The following PCDH9 variants were observed in gnomAD, a reference collection of about 807,000 sequenced individuals.
The protein encoded by PCDH9 is protocadherin 9.
A neutral mutation model predicts 70.6 loss-of-function variants in PCDH9; 24 were observed. The ratio of observed to expected loss-of-function variants is 0.34; its 90% CI spans 0.25 to 0.48. The LOEUF (loss-of-function observed/expected upper bound fraction) is 0.48, where lower values mean the gene tolerates loss of function less well. Ranked by LOEUF, PCDH9 falls within the 20% of genes least tolerant of loss-of-function variation. The pLI is 0.99. For missense variants in PCDH9, 1,281 were observed against 1,503.6 expected (o/e 0.85, Z 2.45); for synonymous variants, 562 against 558.5 (o/e 1.01, Z -0.09).
At chr13:66,748,876 C>T (rs1426797273) in intron 3 of PCDH9, among the ~76,000 whole-genome samples, 3 of 152,070 alleles carry the variant, frequency 2.0e-5, no homozygotes, top group Non-Finnish European at 2.9e-5. Context: ...GTTAATAATC[C>T]CCTTGTGTCA....
chr13:66,490,791 A>T (rs2138532338), intron 4 of PCDH9, among the ~76,000 whole-genome samples: 1 of 152,338 alleles, frequency 6.6e-6, no homozygotes, highest in Non-Finnish European at 1.5e-5. Context: ...GCAAAGCTAA[A>T]CAATTAAAAT....
chr13:66,924,495 T>C (rs2082686010), intron 2 of PCDH9, among the ~76,000 whole-genome samples: 1 of 151,744 alleles, frequency 6.6e-6, no homozygotes, highest in Admixed American at 6.6e-5. Context: ...ATGTTCTTAA[T>C]AATTCTACTT....
At chr13:66,863,286 T>C (rs538493394) in intron 3 of PCDH9, among the ~76,000 whole-genome samples, 69 of 152,308 alleles carry the variant, frequency 4.5e-4, no homozygotes, top group Middle Eastern at 6.8e-3. Context: ...GTGGAAATAA[T>C]AGTAACTACC....
chr13:66,564,877 T>TA (rs397724193), intron 4 of PCDH9, among the ~76,000 whole-genome samples: 4 of 151,770 alleles, frequency 2.6e-5, no homozygotes, highest in African/African-American at 7.3e-5. Context: ...TTTTTTTTTT[T>TA]AATTTTTGAT....
chr13:66,406,966 T>C (rs1957291179), intron 4 of PCDH9, among the ~76,000 whole-genome samples: 3 of 152,112 alleles, frequency 2.0e-5, no homozygotes. Context: ...CCATATACAG[T>C]GGTTTAGAAA....
At chr13:67,146,019 TGCTATAAA>T (rs2138371977) in intron 2 of PCDH9, among the ~76,000 whole-genome samples, 1 of 152,288 alleles carries the variant, frequency 6.6e-6, no homozygotes, top group South Asian at 2.1e-4. Flanking sequence ...TAATTCTGTC[TGCTATAAA>T]GCTGGCTTGC....
At chr13:66,799,226 T>C (rs575677756) in intron 3 of PCDH9, among the ~76,000 whole-genome samples, 1 of 152,316 alleles carries the variant, frequency 6.6e-6, no homozygotes, top group South Asian at 2.1e-4. Context: ...CACATATTGC[T>C]TTTTGCTAAG....
At chr13:66,463,474 A>G (rs1958461858) in intron 4 of PCDH9, among the ~76,000 whole-genome samples, 1 of 151,890 alleles carries the variant, frequency 6.6e-6, no homozygotes, top group Admixed American at 6.6e-5. Flanking sequence ...AGAGAAAAAA[A>G]AGAGAGGAGA....
At chr13:66,699,923 ATT>A (rs34236970) in intron 3 of PCDH9, among the ~76,000 whole-genome samples, 1 of 149,538 alleles carries the variant, frequency 6.7e-6, no homozygotes, top group Non-Finnish European at 1.5e-5. Flanking sequence ...CGTTAGGCTG[ATT>A]TTTTTTTTTA....
At chr13:66,433,986 GTCAAGAGGCAATAACTAATTT>G (rs928014531) in intron 4 of PCDH9, among the ~76,000 whole-genome samples, 1 of 151,698 alleles carries the variant, frequency 6.6e-6, no homozygotes. Flanking sequence ...ATTATTCATG[GTCAAGAGGCAATAACTAATTT>G]TCTAAACCTT....
chr13:66,807,365 T>A (rs2080427163), intron 3 of PCDH9, among the ~76,000 whole-genome samples: 1 of 152,166 alleles, frequency 6.6e-6, no homozygotes, highest in Non-Finnish European at 1.5e-5. Context: ...ATACTATTTT[T>A]CAAATTCTTC....
At chr13:66,541,683 T>A (rs1276702814) in intron 4 of PCDH9, among the ~76,000 whole-genome samples, 3 of 152,156 alleles carry the variant, frequency 2.0e-5, no homozygotes, top group African/African-American at 7.2e-5. Flanking sequence ...TCTAACCCAG[T>A]GTAACCTCAT....
At chr13:66,882,991 T>C (rs1305148521) in intron 3 of PCDH9, among the ~76,000 whole-genome samples, 2 of 152,212 alleles carry the variant, frequency 1.3e-5, no homozygotes, top group African/African-American at 4.8e-5. Flanking sequence ...TATCATGACA[T>C]TCAGTGTCCT....
Position 67,227,970 on chromosome 13 carries a change from G to A in PCDH9, c.471C>T (p.Ile157=), listed in dbSNP as rs1456287396. The change falls in exon 2 of 5, where the codon ATC becomes ATT. Residue 157 remains isoleucine (I), a synonymous_variant. Coordinates refer to ENST00000377865, the MANE Select transcript of PCDH9 (RefSeq NM_203487.3). This position sits in a 1 kb window ranked among gnomAD's most constrained non-coding sequence, Gnocchi z 4.6. ...INISIPENTL[I]NSRFPIPSAT... is the part of the protein sequence containing the mutation. ...CTGATGGAATTGGAAAGCGGCTGTT[G>A]ATCAAAGTGTTTTCTGGAATGGAAA... 2 of 1,613,980 alleles carry A rather than the reference G, an allele frequency of 1.2e-6. No individual in the cohort carries two copies. Among genetic ancestry groups the A allele is most frequent in the African/African-American group, 2.7e-5 (2 of 74,924 alleles).
chr13:67,185,387 T>G (rs1472964831), intron 2 of PCDH9, among the ~76,000 whole-genome samples: 1 of 152,200 alleles, frequency 6.6e-6, no homozygotes, highest in African/African-American at 2.4e-5. Flanking sequence ...GCATTAATAT[T>G]GTACTATGCT....
At chr13:66,322,688 G>A (rs961213449) in intron 4 of PCDH9, among the ~76,000 whole-genome samples, 1 of 151,814 alleles carries the variant, frequency 6.6e-6, no homozygotes, top group Admixed American at 6.6e-5. Context: ...CTCTATACAG[G>A]CATTGGAAAT....
intron 4 of PCDH9, among the ~76,000 whole-genome samples, chr13:66,317,859 G>A (rs903710785): frequency 6.6e-6 from 1 of 152,110 alleles, no homozygotes; most frequent in African/African-American, 2.4e-5. Context: ...AGGGGGAAAA[G>A]GTGACTTTTT....
chr13:67,030,621 T>A (rs965051055), intron 2 of PCDH9, among the ~76,000 whole-genome samples: 5 of 152,216 alleles, frequency 3.3e-5, no homozygotes, highest in African/African-American at 4.8e-5. Context: ...CTTACATGCA[T>A]GCATCAAAAT....
At chr13:67,175,603 G>A (rs957282937) in intron 2 of PCDH9, among the ~76,000 whole-genome samples, 1 of 152,048 alleles carries the variant, frequency 6.6e-6, no homozygotes, top group Non-Finnish European at 1.5e-5. Context: ...CCATACATTA[G>A]TCCTTCCCAT....
Sources: allele counts gnomAD v4.1 joint callset (sites outside exome capture counted in the v4.1 genomes callset), GRCh38; gene constraint gnomAD v4.1.1; non-coding constraint Gnocchi (gnomAD v3.1); transcripts MANE v1.5; gene names NCBI Gene and HGNC (gene_info 2026-07-23, HGNC 2026-07-21).